TTC27: variants seen among roughly 807,000 people sequenced by gnomAD.
The protein encoded by TTC27 is tetratricopeptide repeat protein 27.
Under a neutral mutation model 115.9 loss-of-function variants are expected in TTC27, and 79 were observed. The observed-to-expected ratio is 0.68, with a 90% confidence interval of 0.57 to 0.82. The LOEUF is 0.82. Ranked by LOEUF, TTC27 falls within the 40% of genes least tolerant of loss-of-function variation. TTC27 has a pLI of 0.00. For missense variants in TTC27, 1,054 were observed against 993.1 expected (o/e 1.06, Z -0.82); for synonymous variants, 401 against 356.0 (o/e 1.13, Z -1.42).
At chr2:32,737,782 C>T (rs558248356) in intron 12 of TTC27, among the ~76,000 whole-genome samples, 60 of 152,140 alleles carry the variant, frequency 3.9e-4, no homozygotes, top group Middle Eastern at 3.4e-3. Context: ...GTGGGAAGAT[C>T]GCTTGAGCCC....
intron 14 of TTC27, among the ~76,000 whole-genome samples, chr2:32,781,427 C>G (rs1002396842): frequency 8.6e-5 from 13 of 150,552 alleles, no homozygotes; most frequent in African/African-American, 3.2e-4. Context: ...CCATGTCCGC[C>G]ATTTTTTAAA....
intron 9 of TTC27, among the ~76,000 whole-genome samples, chr2:32,681,727 C>G (rs1445095656): frequency 6.7e-6 from 1 of 149,214 alleles, no homozygotes; most frequent in Admixed American, 6.7e-5. Context: ...TTAAGGCAGG[C>G]TAAGTTAAGC....
At chr2:32,739,348 T>A (rs1222796501) in intron 12 of TTC27, among the ~76,000 whole-genome samples, 1 of 152,018 alleles carries the variant, frequency 6.6e-6, no homozygotes, top group Non-Finnish European at 1.5e-5. Flanking sequence ...TATTTTAGAA[T>A]ATTAATTTAA....
At chr2:32,653,797 C>G (rs1665221618) in intron 5 of TTC27, among the ~76,000 whole-genome samples, 1 of 152,090 alleles carries the variant, frequency 6.6e-6, no homozygotes. Context: ...TTGGTTTTAG[C>G]ATACATTTTA....
intron 12 of TTC27, among the ~76,000 whole-genome samples, chr2:32,740,963 T>C (rs1471664662): frequency 6.6e-6 from 1 of 152,224 alleles, no homozygotes; most frequent in Non-Finnish European, 1.5e-5. Flanking sequence ...CCTCACTTTA[T>C]GATCTGTCTC....
chr2:32,700,938 A>G (rs546704078), intron 9 of TTC27, among the ~76,000 whole-genome samples: 3 of 152,254 alleles, frequency 2.0e-5, no homozygotes, highest in South Asian at 2.1e-4. Context: ...TCATATTTTT[A>G]TAGGTCCATA....
chr2:32,753,264 C>A (rs553959603), intron 12 of TTC27, among the ~76,000 whole-genome samples: 1 of 152,216 alleles, frequency 6.6e-6, no homozygotes, highest in South Asian at 2.1e-4. Context: ...CAGAGGCTGA[C>A]TGGCCTGTTA....
chr2:32,764,599 A>T (rs1558332035), intron 13 of TTC27, among the ~76,000 whole-genome samples: 1 of 152,184 alleles, frequency 6.6e-6, no homozygotes. Context: ...AAATAAGGCA[A>T]CAGTGAAGTT....
intron 13 of TTC27, among the ~76,000 whole-genome samples, chr2:32,764,339 A>G (rs1350818387): frequency 3.3e-5 from 5 of 152,188 alleles, no homozygotes; most frequent in African/African-American, 4.8e-5. Flanking sequence ...TTTCCCAGGC[A>G]CATAAAGGTT....
In TTC27 at chr2:32,702,796, G is replaced by C; in HGVS notation, c.1120-11G>C. 1 of 1,583,280 alleles carries C rather than the reference G, an allele frequency of 6.3e-7. No homozygotes were observed. Among genetic ancestry groups the C allele is most frequent in the Non-Finnish European group, 8.7e-7 (1 of 1,155,090 alleles). On this transcript the variant is annotated splice_polypyrimidine_tract_variant and intron_variant, in intron 9 of 19. Transcript: ENST00000317907. ...TCTTTTCTATGATTTTTTTCTTCCC[G>C]CTTCTATCAGTGTTTGCTTTCACAA...
chr2:32,661,126 A>T (rs182446313), intron 5 of TTC27, among the ~76,000 whole-genome samples: 455 of 152,280 alleles, frequency 3.0e-3, no homozygotes, highest in African/African-American at 9.2e-3. Context: ...TCATTGGTCT[A>T]TATATCTGTT....
chr2:32,770,654 C>T (rs891880664), intron 13 of TTC27, among the ~76,000 whole-genome samples: 5 of 152,140 alleles, frequency 3.3e-5, no homozygotes, highest in South Asian at 2.1e-4. Flanking sequence ...TTAACTGAGC[C>T]GACCTTTCCA....
At chr2:32,670,709 C>T (rs548661297) in intron 7 of TTC27, among the ~76,000 whole-genome samples, 1 of 152,202 alleles carries the variant, frequency 6.6e-6, no homozygotes, top group Non-Finnish European at 1.5e-5. Flanking sequence ...CCTCCACCTC[C>T]CGGGTTCAAG....
At chr2:32,629,408 C>G (rs1382227076) in intron 1 of TTC27, among the ~76,000 whole-genome samples, 1 of 151,984 alleles carries the variant, frequency 6.6e-6, no homozygotes, top group Non-Finnish European at 1.5e-5. Context: ...CCATGAGCCA[C>G]CATGCACGGC....
chr2:32,655,543 A>C lies in TTC27; in HGVS notation c.640+5310A>C, dbSNP rs374839696. Among the ~76,000 whole-genome samples the C allele has an allele frequency of 5.9e-5, 9 of 152,260 alleles. No individual in the cohort carries two copies. The East Asian group carries it at 1.5e-3, about 26-fold the overall frequency. ...CAAACCAAGGTTCACTTCCTTATAA[A>C]ATATTCTTTGAATTCTTTCCAGGTA... is the stretch of plus-strand genomic sequence containing the variant. On this transcript the variant is annotated intron_variant, in intron 5 of 19. Coordinates refer to ENST00000317907, the MANE Select transcript of TTC27 (RefSeq NM_017735.5).
Position 32,820,981 on chromosome 2 carries a change from G to A in TTC27, c.*43G>A. ...TCTGGAAAAGGTGCTTTCACCTGCT[G>A]GTAAAAGATACATCTGTATATCTGA... On this transcript the variant is annotated 3_prime_UTR_variant, in exon 20 of 20. Transcript: ENST00000317907. 1 of 1,428,736 alleles carries A rather than the reference G, an allele frequency of 7.0e-7. No individual in the cohort carries two copies. Among genetic ancestry groups the A allele is most frequent in the Non-Finnish European group, 9.3e-7 (1 of 1,076,496 alleles). 88.5% of individuals were successfully genotyped at this position (1,428,736 alleles called of 1,614,324 possible).
chr2:32,651,040 C>T (rs1318613372), intron 5 of TTC27, among the ~76,000 whole-genome samples: 1 of 151,970 alleles, frequency 6.6e-6, no homozygotes, highest in East Asian at 1.9e-4. Context: ...AACAGATTCT[C>T]TTGTGGTGAA....
chr2:32,708,609 C>CT (rs1301971944), intron 10 of TTC27, among the ~76,000 whole-genome samples: 1 of 151,774 alleles, frequency 6.6e-6, no homozygotes, highest in Admixed American at 6.6e-5. Flanking sequence ...CGCCCGGCCT[C>CT]TTTTTTTATT....
chr2:32,736,738 A>C lies in TTC27; in HGVS notation c.1374A>C (p.Ser458=), dbSNP rs1394869377. The change falls in exon 12 of 20, where the codon TCA becomes TCC. Residue 458 remains serine (S), a synonymous_variant. Transcript: ENST00000317907. ...SLLFELGCTS[S]ALQIFEKLEM... ...TCTTTGAGTTGGGATGTACCAGTTCAGCCCTTCAGATATTTGAAAAGCTAG... is the reference window on the plus strand; with the variant it reads ...TCTTTGAGTTGGGATGTACCAGTTCCGCCCTTCAGATATTTGAAAAGCTAG... 6.2e-7 allele frequency: 1 copy of C among 1,614,056 alleles called. No homozygotes were observed. Among genetic ancestry groups the C allele is most frequent in the South Asian group, 1.1e-5 (1 of 91,068 alleles).
Sources: gnomAD v4.1 joint callset for allele counts (sites outside exome capture counted in the v4.1 genomes callset) on GRCh38, gnomAD v4.1.1 for gene constraint, MANE v1.5 for transcripts, NCBI Gene and HGNC (gene_info 2026-07-23, HGNC 2026-07-21) for gene names.